The following STK32B variants were observed in gnomAD, a reference collection of about 807,000 sequenced individuals.
The protein encoded by STK32B is serine/threonine-protein kinase 32B.
Under a neutral mutation model 52.6 loss-of-function variants are expected in STK32B, and 43 were observed. That is an observed-to-expected ratio of 0.82 (90% CI 0.64 to 1.05). The LOEUF (loss-of-function observed/expected upper bound fraction) is 1.05, where lower values mean the gene tolerates loss of function less well. Among genes scored for constraint, STK32B ranks in the 50% least tolerant of loss-of-function variants. The pLI is 0.00. For synonymous variants in STK32B, 238 were observed against 204.3 expected (o/e 1.17, Z -1.41); for missense variants, 621 against 534.6 (o/e 1.16, Z -1.59).
chr4:5,173,804 T>C (rs543208625), intron 3 of STK32B, among the ~76,000 whole-genome samples: 1 of 152,350 alleles, frequency 6.6e-6, no homozygotes, highest in African/African-American at 2.4e-5. Context: ...GAGAGTTCTG[T>C]AGATGTCTAT....
chr4:5,439,951 C>A (rs1243591472), intron 6 of STK32B, among the ~76,000 whole-genome samples: 1 of 152,094 alleles, frequency 6.6e-6, no homozygotes, highest in Non-Finnish European at 1.5e-5. Flanking sequence ...CTGTTGTGTT[C>A]CATTGATCTA....
intron 4 of STK32B, among the ~76,000 whole-genome samples, chr4:5,339,414 CCTTT>C (rs1312119281): frequency 6.6e-6 from 1 of 152,154 alleles, no homozygotes; most frequent in African/African-American, 2.4e-5. Context: ...TTTTTTACCT[CCTTT>C]CTTATGGTTC....
intron 2 of STK32B, among the ~76,000 whole-genome samples, chr4:5,151,885 G>T (rs1172796998): frequency 6.6e-6 from 1 of 152,120 alleles, no homozygotes; most frequent in Non-Finnish European, 1.5e-5. Context: ...TTATTATAAT[G>T]ACATTCCTTC....
At chr4:5,238,933 G>A (rs1724815564) in intron 3 of STK32B, among the ~76,000 whole-genome samples, 1 of 152,224 alleles carries the variant, frequency 6.6e-6, no homozygotes, top group Admixed American at 6.5e-5. Flanking sequence ...AATTAAAAGA[G>A]GTACTATGGA....
intron 5 of STK32B, among the ~76,000 whole-genome samples, chr4:5,415,386 C>T (rs2063993723): frequency 6.6e-6 from 1 of 152,180 alleles, no homozygotes; most frequent in African/African-American, 2.4e-5. Context: ...CCCAACAAAG[C>T]TGAGGCCCAA....
intron 2 of STK32B, among the ~76,000 whole-genome samples, chr4:5,167,269 TTGG>T (rs1395133736): frequency 2.0e-5 from 3 of 149,184 alleles, no homozygotes; most frequent in African/African-American, 7.8e-5. Flanking sequence ...ACCCTGCCAC[TTGG>T]TGGTTTGTTG....
At chr4:5,241,929 G>C (rs1317274113) in intron 3 of STK32B, among the ~76,000 whole-genome samples, 1 of 152,170 alleles carries the variant, frequency 6.6e-6, no homozygotes, top group African/African-American at 2.4e-5. Context: ...TGGCTGCATA[G>C]TATTCCATGG....
At chr4:5,426,656 C>CTCCA (rs1420601799) in intron 6 of STK32B, among the ~76,000 whole-genome samples, 3 of 137,478 alleles carry the variant, frequency 2.2e-5, no homozygotes, top group Non-Finnish European at 4.5e-5. Flanking sequence ...CATCACTGCA[C>CTCCA]TCCAGCCTGT....
intron 3 of STK32B, among the ~76,000 whole-genome samples, chr4:5,186,393 C>A (rs759523848): frequency 6.6e-6 from 1 of 152,172 alleles, no homozygotes; most frequent in Non-Finnish European, 1.5e-5. Context: ...TTATGTAGTG[C>A]TGTTAAGGGC....
At chr4:5,173,459 C>G (rs1281831465) in intron 3 of STK32B, among the ~76,000 whole-genome samples, 2 of 151,448 alleles carry the variant, frequency 1.3e-5, no homozygotes, top group Non-Finnish European at 3.0e-5. Context: ...AAATTTGCCT[C>G]TACACACTGC....
chr4:5,197,889 TC>T (rs1721813331), intron 3 of STK32B, among the ~76,000 whole-genome samples: 1 of 152,230 alleles, frequency 6.6e-6, no homozygotes, highest in South Asian at 2.1e-4. Context: ...TAGTGAGCCA[TC>T]CTGCCTGGAA....
At chr4:5,389,211 C>G (rs1043378826) in intron 4 of STK32B, among the ~76,000 whole-genome samples, 5 of 152,164 alleles carry the variant, frequency 3.3e-5, no homozygotes, top group African/African-American at 1.2e-4. Flanking sequence ...CCTGGCTGTC[C>G]CACATACGGA....
At chr4:5,477,125 C>T (rs1718299342) in intron 11 of STK32B, among the ~76,000 whole-genome samples, 1 of 152,192 alleles carries the variant, frequency 6.6e-6, no homozygotes, top group African/African-American at 2.4e-5. Context: ...ACTTAAAAGG[C>T]TCCCCGATGG....
intron 3 of STK32B, among the ~76,000 whole-genome samples, chr4:5,231,720 A>G (rs1397195659): frequency 1.3e-5 from 2 of 152,226 alleles, no homozygotes; most frequent in Non-Finnish European, 2.9e-5. Context: ...AAAAAAACTG[A>G]TGACCAAGGG....
rs16837329 is a variant in STK32B, at chr4:5,469,304, C to T, written c.1106+1234C>T. Among the ~76,000 whole-genome samples, 2 of 152,178 alleles carry T rather than the reference C, an allele frequency of 1.3e-5. No individual in the cohort carries two copies. The highest frequency in any genetic ancestry group is 4.8e-5 in the African/African-American group (2 of 41,432). The stretch of plus-strand genomic sequence containing the variant: ...TTTGGCTTTCAGCAGATGCTAACAG[C>T]GCAGGAAACACGTGCTAAGGCCAAG... On this transcript the variant is annotated intron_variant, in intron 11 of 11. Transcript: ENST00000282908. The surrounding 1 kb of genome is among the most constrained non-coding windows in gnomAD (Gnocchi z 4.7).
At chr4:5,412,404 T>A (rs3774846) in intron 5 of STK32B, among the ~76,000 whole-genome samples, 1 of 152,086 alleles carries the variant, frequency 6.6e-6, no homozygotes, top group East Asian at 1.9e-4. Flanking sequence ...TCAGTTAGCA[T>A]AGCCAGGGGA....
rs372445581 is a variant in STK32B, at chr4:5,395,261, G to A, written c.435-2946G>A. On this transcript the variant is annotated intron_variant, in intron 4 of 11. Coordinates refer to ENST00000282908, the MANE Select transcript of STK32B (RefSeq NM_018401.3). The surrounding 1 kb of genome is among the most constrained non-coding windows in gnomAD (Gnocchi z 4.4). ...ACTGCCATCCCACCAAGTTTGCCCTGTAACATAACTGAATTAAGGGGGTGA... is the reference window on the plus strand; with the variant it reads ...ACTGCCATCCCACCAAGTTTGCCCTATAACATAACTGAATTAAGGGGGTGA... 5.3e-5 allele frequency among the ~76,000 whole-genome samples: 8 copies of A among 151,706 alleles called. No individual in the cohort carries two copies. The highest frequency in any genetic ancestry group is 1.9e-4 in the African/African-American group (8 of 41,120).
chr4:5,087,239 A>C (rs548148200), intron 1 of STK32B, among the ~76,000 whole-genome samples: 1 of 152,180 alleles, frequency 6.6e-6, no homozygotes, highest in East Asian at 1.9e-4. Context: ...TAGAAACTGG[A>C]TTATTATAAA....
At chr4:5,264,741 T>G (rs1726951826) in intron 3 of STK32B, among the ~76,000 whole-genome samples, 1 of 151,958 alleles carries the variant, frequency 6.6e-6, no homozygotes, top group African/African-American at 2.4e-5. Context: ...GAGCCAAGAT[T>G]GCGCCACTGC....
Sources: gnomAD v4.1 joint callset for allele counts (sites outside exome capture counted in the v4.1 genomes callset) on GRCh38, gnomAD v4.1.1 for gene constraint, Gnocchi (gnomAD v3.1) non-coding constraint, MANE v1.5 for transcripts, NCBI Gene and HGNC (gene_info 2026-07-23, HGNC 2026-07-21) for gene names.